Variants in LRRC4C observed in about 807,000 individuals in gnomAD.
The protein encoded by LRRC4C is leucine rich repeat containing 4C, also known as leucine-rich repeat-containing protein 4C.
In LRRC4C, 5 loss-of-function variants were observed where a neutral mutation model predicts 33.6. That is an observed-to-expected ratio of 0.15 (90% confidence interval 0.08 to 0.31). The LOEUF is 0.31. LRRC4C is among the 10% of genes least tolerant of loss of function. The probability of loss-of-function intolerance (pLI) is 1.00; values close to 1 mark genes in which losing one functional copy is unlikely to be tolerated. For synonymous variants in LRRC4C, 329 were observed against 302.0 expected (o/e 1.09, Z -0.93); for missense variants, 560 against 796.7 (o/e 0.70, Z 3.58).
At chr11:40,254,140 C>T (rs1156495871) in intron 4 of LRRC4C, among the ~76,000 whole-genome samples, 1 of 152,108 alleles carries the variant, frequency 6.6e-6, no homozygotes, top group African/African-American at 2.4e-5. Flanking sequence ...GGTTGTGTGC[C>T]CAGAAAGGTG....
intron 3 of LRRC4C, among the ~76,000 whole-genome samples, chr11:40,400,638 G>A (rs2137540191): frequency 6.6e-6 from 1 of 152,160 alleles, no homozygotes; most frequent in Middle Eastern, 3.4e-3. Context: ...TACCAGCACT[G>A]ATGAAACTCC....
chr11:40,652,310 A>T (rs72894632), intron 2 of LRRC4C, among the ~76,000 whole-genome samples: 1,621 of 152,298 alleles, frequency 0.011, 13 homozygotes, highest in Non-Finnish European at 0.016. Flanking sequence ...TTGCTATATA[A>T]AATATTGAAC....
At chr11:40,643,294 A>G (rs1269752985) in intron 3 of LRRC4C, among the ~76,000 whole-genome samples, 3 of 152,210 alleles carry the variant, frequency 2.0e-5, no homozygotes, top group African/African-American at 7.2e-5. Context: ...CCACCCATAC[A>G]TAAGAGAAAA....
intron 2 of LRRC4C, among the ~76,000 whole-genome samples, chr11:40,722,114 G>C (rs369979436): frequency 7.9e-5 from 12 of 152,122 alleles, no homozygotes; most frequent in Admixed American, 3.9e-4. Flanking sequence ...AATTGCTAGC[G>C]CTTCTATTTC....
At chr11:40,887,949 T>C (rs908325257) in intron 2 of LRRC4C, among the ~76,000 whole-genome samples, 6 of 151,952 alleles carry the variant, frequency 3.9e-5, no homozygotes, top group Non-Finnish European at 8.8e-5. Context: ...TATAAGTTTT[T>C]CTTCAAACAT....
intron 1 of LRRC4C, among the ~76,000 whole-genome samples, chr11:41,151,262 T>C (rs1249232318): frequency 6.6e-6 from 1 of 152,166 alleles, no homozygotes; most frequent in East Asian, 1.9e-4. Context: ...ACAAACAACA[T>C]TGTCAGCTAA....
At chr11:41,313,553 G>A (rs560216438) in intron 1 of LRRC4C, among the ~76,000 whole-genome samples, 39 of 152,272 alleles carry the variant, frequency 2.6e-4, no homozygotes, top group Middle Eastern at 3.4e-3. Context: ...GGTATGTTTT[G>A]TCTGCCACTC....
At chr11:41,295,473 G>A (rs1397883370) in intron 1 of LRRC4C, among the ~76,000 whole-genome samples, 14 of 152,124 alleles carry the variant, frequency 9.2e-5, no homozygotes, top group Admixed American at 3.3e-4. Flanking sequence ...TAGTTGTGGG[G>A]TTTTAGATGA....
chr11:40,581,221 C>T (rs1958450844), intron 3 of LRRC4C, among the ~76,000 whole-genome samples: 2 of 152,174 alleles, frequency 1.3e-5, no homozygotes, highest in Non-Finnish European at 2.9e-5. Flanking sequence ...ATAGAAGCTC[C>T]AGTGAAAACC....
intron 1 of LRRC4C, among the ~76,000 whole-genome samples, chr11:41,358,833 A>G (rs1251152434): frequency 6.6e-6 from 1 of 152,142 alleles, no homozygotes; most frequent in Non-Finnish European, 1.5e-5. Flanking sequence ...AAAACCAAAC[A>G]TTCTCTTACC....
At chr11:40,692,163 C>A (rs939075444) in intron 2 of LRRC4C, among the ~76,000 whole-genome samples, 2 of 151,828 alleles carry the variant, frequency 1.3e-5, no homozygotes, top group Admixed American at 6.6e-5. Flanking sequence ...AAAATGAACC[C>A]GAGAGAGATC....
intron 3 of LRRC4C, among the ~76,000 whole-genome samples, chr11:40,411,011 T>C (rs1950138221): frequency 6.6e-6 from 1 of 152,064 alleles, no homozygotes. Context: ...CTTGTTTATG[T>C]GTTGTGATTC....
chr11:40,560,180 G>A lies in LRRC4C; in HGVS notation c.-270+87962C>T, dbSNP rs577375924. Among the ~76,000 whole-genome samples the A allele has an allele frequency of 5.3e-5, 8 of 152,224 alleles. No homozygotes were observed. The South Asian group carries it at 1.7e-3, about 32-fold the overall frequency. On this transcript the variant is annotated intron_variant, in intron 3 of 6. Transcript: ENST00000528697. The stretch of plus-strand genomic sequence containing the variant: ...TGTCTATAAACACTTGCTTATAGGA[G>A]ACAATTCTATTCTCAGAGCAATTAT...
intron 4 of LRRC4C, among the ~76,000 whole-genome samples, chr11:40,265,292 G>A (rs1438023066): frequency 6.6e-6 from 1 of 152,092 alleles, no homozygotes; most frequent in Non-Finnish European, 1.5e-5. Flanking sequence ...TTTGCCTTGT[G>A]CATTTATGTG....
chr11:40,506,052 C>T (rs899295051), intron 3 of LRRC4C, among the ~76,000 whole-genome samples: 1 of 152,106 alleles, frequency 6.6e-6, no homozygotes. Context: ...AGTGAACTTT[C>T]AGATCTTAAA....
At chr11:40,924,650 G>A (rs970987022) in intron 2 of LRRC4C, among the ~76,000 whole-genome samples, 4 of 152,016 alleles carry the variant, frequency 2.6e-5, no homozygotes, top group Non-Finnish European at 5.9e-5. Context: ...GATCTGGAAG[G>A]TTCACAGCAC....
intron 2 of LRRC4C, among the ~76,000 whole-genome samples, chr11:40,928,304 A>G (rs1029701887): frequency 6.6e-6 from 1 of 151,102 alleles, no homozygotes; most frequent in African/African-American, 2.4e-5. Flanking sequence ...GATGTCACGG[A>G]CTTCCTGGTT....
At chr11:40,870,632 C>T (rs2135934978) in intron 2 of LRRC4C, among the ~76,000 whole-genome samples, 1 of 152,296 alleles carries the variant, frequency 6.6e-6, no homozygotes, top group East Asian at 1.9e-4. Flanking sequence ...GGACACTTAT[C>T]ACTTCCCCAA....
intron 3 of LRRC4C, among the ~76,000 whole-genome samples, chr11:40,575,912 T>C (rs1302403258): frequency 6.6e-6 from 1 of 152,214 alleles, no homozygotes; most frequent in Non-Finnish European, 1.5e-5. Context: ...CATGTTTTAC[T>C]TCAATCTAAT....
Sources: gnomAD v4.1 joint callset for allele counts (sites outside exome capture counted in the v4.1 genomes callset) on GRCh38, gnomAD v4.1.1 for gene constraint, MANE v1.5 for transcripts, NCBI Gene and HGNC (gene_info 2026-07-23, HGNC 2026-07-21) for gene names.